TBC1D5: variants seen among roughly 807,000 people sequenced by gnomAD.
TBC1D5 encodes TBC1 domain family member 5, also known as TBC1 domain family, member 5.
A neutral mutation model predicts 100.3 loss-of-function variants in TBC1D5; 75 were observed. The observed-to-expected ratio is 0.75, with a 90% confidence interval of 0.62 to 0.91. The LOEUF (loss-of-function observed/expected upper bound fraction) is 0.91, where lower values mean the gene tolerates loss of function less well. TBC1D5 is among the 40% of genes least tolerant of loss of function. The pLI is 0.00. For missense variants in TBC1D5, 910 were observed against 942.4 expected, an observed-to-expected ratio of 0.97 and a Z score of 0.45; for synonymous variants, 323 against 325.6, an observed-to-expected ratio of 0.99 and a Z score of 0.09.
intron 15 of TBC1D5, among the ~76,000 whole-genome samples, chr3:17,278,185 T>C (rs1357468453): frequency 3.3e-5 from 5 of 152,218 alleles, no homozygotes; most frequent in African/African-American, 1.2e-4. Flanking sequence ...CTGTGTCTTC[T>C]CAACTTGCCC....
intron 2 of TBC1D5, among the ~76,000 whole-genome samples, chr3:17,614,218 G>A (rs1022163477): frequency 6.6e-6 from 1 of 152,116 alleles, no homozygotes; most frequent in Non-Finnish European, 1.5e-5. Flanking sequence ...TTATTTCTGA[G>A]GCCTCTGTTA....
At chr3:17,448,854 C>T (rs1194665991) in intron 3 of TBC1D5, among the ~76,000 whole-genome samples, 1 of 152,230 alleles carries the variant, frequency 6.6e-6, no homozygotes, top group Non-Finnish European at 1.5e-5. Context: ...ATATCACCAA[C>T]TACATTAGCC....
intron 19 of TBC1D5, among the ~76,000 whole-genome samples, chr3:17,176,081 G>C (rs1427406787): frequency 2.0e-5 from 3 of 152,318 alleles, no homozygotes; most frequent in Non-Finnish European, 4.4e-5. Flanking sequence ...ATGAAAACAG[G>C]CTGTAGAATC....
intron 8 of TBC1D5, among the ~76,000 whole-genome samples, chr3:17,401,341 A>ATGTGTATAATATACATATATATG (rs1575709707): frequency 4.1e-5 from 2 of 48,420 alleles, no homozygotes; most frequent in East Asian, 5.7e-4. Flanking sequence ...ACATATATGT[A>ATGTGTATAATATACATATATATG]TAATATACAT....
chr3:17,562,450 C>G (rs140224494), intron 2 of TBC1D5, among the ~76,000 whole-genome samples: 1 of 151,028 alleles, frequency 6.6e-6, no homozygotes, highest in Non-Finnish European at 1.5e-5. Flanking sequence ...GTGTCTATAA[C>G]TATTCAAGAT....
At chr3:17,490,121 T>A (rs1195148248) in intron 3 of TBC1D5, among the ~76,000 whole-genome samples, 1 of 152,134 alleles carries the variant, frequency 6.6e-6, no homozygotes, top group Non-Finnish European at 1.5e-5. Context: ...TTTTAGTATA[T>A]CTTTTTGGCC....
chr3:17,616,138 G>T (rs1484260567), intron 2 of TBC1D5, among the ~76,000 whole-genome samples: 1 of 152,042 alleles, frequency 6.6e-6, no homozygotes, highest in African/African-American at 2.4e-5. Context: ...CCTTCATTTC[G>T]TTATTTACCC....
At chr3:17,475,183 C>CT (rs1559968674) in intron 3 of TBC1D5, among the ~76,000 whole-genome samples, 173 of 151,806 alleles carry the variant, frequency 1.1e-3, no homozygotes, top group African/African-American at 3.8e-3. Context: ...TGCCCCGCCC[C>CT]ACCCGTTTAT....
Position 17,292,017 on chromosome 3 carries a change from A to C in TBC1D5, c.1139-16T>G, listed in dbSNP as rs766185728. 6.3e-7 allele frequency: 1 copy of C among 1,596,702 alleles called. No homozygotes were observed. ...CTAGAGATCACTAAATAAGAAGAAA[A>C]AATAATTCAGATGCAATACTATTTA... On this transcript the variant is annotated splice_polypyrimidine_tract_variant and intron_variant, in intron 14 of 21. Transcript: ENST00000253692.
At chr3:17,675,385 G>C (rs2068497296) in intron 1 of TBC1D5, among the ~76,000 whole-genome samples, 1 of 152,030 alleles carries the variant, frequency 6.6e-6, no homozygotes, top group Admixed American at 6.6e-5. Context: ...CCATTCATTG[G>C]TAACTGATCA....
chr3:17,247,988 A>AT (rs201892029), intron 16 of TBC1D5, among the ~76,000 whole-genome samples: 16,528 of 141,162 alleles, frequency 0.12, 1,002 homozygotes, highest in African/African-American at 0.15. Context: ...TCCTCCACTA[A>AT]TTTTTTTTTT....
intron 14 of TBC1D5, among the ~76,000 whole-genome samples, chr3:17,301,676 TTGA>T (rs2082859037): frequency 6.6e-6 from 1 of 152,290 alleles, no homozygotes; most frequent in East Asian, 1.9e-4. Flanking sequence ...GTTAGTGGTA[TTGA>T]TGATGATCTT....
intron 3 of TBC1D5, among the ~76,000 whole-genome samples, chr3:17,499,474 C>A (rs1262046465): frequency 2.0e-5 from 3 of 149,638 alleles, no homozygotes; most frequent in African/African-American, 5.1e-5. Context: ...TTGGGAGGCC[C>A]ATGTGGGCGG....
At position 17,225,980 on chromosome 3, in the gene TBC1D5, G is replaced by C. The variant is rs138982262; in HGVS notation, c.1589-11610C>G. On this transcript the variant is annotated intron_variant, in intron 17 of 21. Transcript: ENST00000253692. ...CTATACCATTTTATATAAGAGACTT[G>C]AGCATATGTGGATTTTGGTATCCGC... 9.9e-5 allele frequency among the ~76,000 whole-genome samples: 15 copies of C among 152,088 alleles called. No individual in the cohort carries two copies. The East Asian group carries it at 2.5e-3, about 26-fold the overall frequency.
At chr3:17,406,224 TCA>T (rs2093765811) in intron 5 of TBC1D5, among the ~76,000 whole-genome samples, 192 bp downstream of exon 5, 1 of 152,068 alleles carries the variant, frequency 6.6e-6, no homozygotes, top group African/African-American at 2.4e-5. Flanking sequence ...TTTACCGTTA[TCA>T]CTTACTCAGG....
chr3:17,666,035 ATTCTAT>A (rs1252983057), intron 1 of TBC1D5, among the ~76,000 whole-genome samples: 1 of 152,154 alleles, frequency 6.6e-6, no homozygotes, highest in Non-Finnish European at 1.5e-5. Flanking sequence ...AATAGAACAC[ATTCTAT>A]TTCATCTTTC....
At chr3:17,457,873 A>G (rs1024910605) in intron 3 of TBC1D5, among the ~76,000 whole-genome samples, 3 of 152,178 alleles carry the variant, frequency 2.0e-5, no homozygotes, top group African/African-American at 4.8e-5. Context: ...ATAATTAGAA[A>G]GTGAGCTAGG....
chr3:17,296,842 T>A (rs897258122), intron 14 of TBC1D5, among the ~76,000 whole-genome samples: 1 of 152,238 alleles, frequency 6.6e-6, no homozygotes, highest in Admixed American at 6.5e-5. Context: ...TTGTGCAGAA[T>A]AATATAAGAC....
intron 13 of TBC1D5, among the ~76,000 whole-genome samples, chr3:17,341,767 A>G (rs1162404643): frequency 6.6e-6 from 1 of 152,206 alleles, no homozygotes. Context: ...TGCAAAACAA[A>G]TATTCAAGCT....
Sources: gnomAD v4.1 joint callset for allele counts (sites outside exome capture counted in the v4.1 genomes callset) on GRCh38, gnomAD v4.1.1 for gene constraint, MANE v1.5 for transcripts, NCBI Gene and HGNC (gene_info 2026-07-23, HGNC 2026-07-21) for gene names.